Variants in GRIK2 observed in about 807,000 individuals in gnomAD.
GRIK2 encodes the protein glutamate ionotropic receptor kainate type subunit 2.
Under a neutral mutation model 100.3 loss-of-function variants are expected in GRIK2, and 32 were observed. That is an observed-to-expected ratio of 0.32 (90% CI 0.24 to 0.43). The LOEUF is 0.43. GRIK2 is among the 20% of genes least tolerant of loss of function. GRIK2 has a pLI of 1.00. For synonymous variants in GRIK2, 417 were observed against 389.4 expected (o/e 1.07, Z -0.83); for missense variants, 843 against 1,114.9 (o/e 0.76, Z 3.47).
chr6:101,995,669 T>C (rs1014961548), intron 14 of GRIK2, among the ~76,000 whole-genome samples: 10 of 151,944 alleles, frequency 6.6e-5, no homozygotes, highest in African/African-American at 2.4e-4. Flanking sequence ...TCCTAGAGTA[T>C]GTATATATAA....
At chr6:101,470,501 C>T (rs566525109) in intron 2 of GRIK2, among the ~76,000 whole-genome samples, 5 of 152,254 alleles carry the variant, frequency 3.3e-5, no homozygotes, top group Admixed American at 6.5e-5. Context: ...ATGCCTGTCT[C>T]CTCTTCTGAG....
intron 14 of GRIK2, among the ~76,000 whole-genome samples, chr6:102,021,994 T>A (rs1196499365): frequency 6.6e-6 from 1 of 150,534 alleles, no homozygotes; most frequent in Non-Finnish European, 1.5e-5. Flanking sequence ...TGCAAAAATT[T>A]TATTTTTAGA....
chr6:101,500,362 G>T (rs1208892585), intron 2 of GRIK2, among the ~76,000 whole-genome samples: 1 of 152,028 alleles, frequency 6.6e-6, no homozygotes, highest in Non-Finnish European at 1.5e-5. Context: ...ATGTGAATAA[G>T]ATATTTTTTT....
chr6:101,866,730 C>T (rs114220659), intron 11 of GRIK2, among the ~76,000 whole-genome samples: 3,829 of 152,064 alleles, frequency 0.025, 190 homozygotes, highest in African/African-American at 0.087. Flanking sequence ...TTTTCAGATA[C>T]TCATAACTAG....
intron 14 of GRIK2, among the ~76,000 whole-genome samples, chr6:101,997,363 T>G (rs1029223605): frequency 6.6e-6 from 1 of 152,116 alleles, no homozygotes; most frequent in East Asian, 1.9e-4. Flanking sequence ...GTGTATGTCC[T>G]TTATCATGGT....
chr6:101,851,781 A>G (rs1380335183), intron 10 of GRIK2, among the ~76,000 whole-genome samples: 1 of 151,884 alleles, frequency 6.6e-6, no homozygotes, highest in Non-Finnish European at 1.5e-5. Context: ...TTAACTAAAA[A>G]AAAAAAAAGT....
chr6:101,995,698 T>G (rs1794615444), intron 14 of GRIK2, among the ~76,000 whole-genome samples: 1 of 151,894 alleles, frequency 6.6e-6, no homozygotes, highest in African/African-American at 2.4e-5. Context: ...CGAGATGTGA[T>G]GGGGTGTGTA....
At chr6:101,825,305 C>G (rs1432526370) in intron 10 of GRIK2, among the ~76,000 whole-genome samples, 1 of 152,096 alleles carries the variant, frequency 6.6e-6, no homozygotes, top group Non-Finnish European at 1.5e-5. Flanking sequence ...CTACATTTCT[C>G]TCTTTCATTC....
intron 2 of GRIK2, among the ~76,000 whole-genome samples, chr6:101,598,592 T>TAAAAAAAAAAAAA (rs75603851): frequency 1.2e-5 from 1 of 82,388 alleles, no homozygotes; most frequent in Non-Finnish European, 2.4e-5. Context: ...TCTTCCTTAA[T>TAAAAAAAAAAAAA]AAAAAAAAAA....
chr6:101,550,143 C>T (rs1467699712), intron 2 of GRIK2, among the ~76,000 whole-genome samples: 1 of 152,186 alleles, frequency 6.6e-6, no homozygotes, highest in African/African-American at 2.4e-5. Context: ...CCATTTTTTA[C>T]TAGCAGGAGA....
intron 7 of GRIK2, among the ~76,000 whole-genome samples, chr6:101,791,776 CT>C (rs762686202): frequency 5.9e-5 from 9 of 151,846 alleles, no homozygotes; most frequent in Non-Finnish European, 1.0e-4. Flanking sequence ...AACTTTCTGT[CT>C]CGTTGATCTG....
At chr6:101,774,760 A>T (rs1280314833) in intron 7 of GRIK2, among the ~76,000 whole-genome samples, 1 of 152,166 alleles carries the variant, frequency 6.6e-6, no homozygotes, top group African/African-American at 2.4e-5. Context: ...TTATCTAAAC[A>T]TCTTGGACTT....
chr6:101,837,154 T>C (rs1426064153), intron 10 of GRIK2, among the ~76,000 whole-genome samples: 1 of 152,208 alleles, frequency 6.6e-6, no homozygotes, highest in East Asian at 1.9e-4. Context: ...CCAAGTACCA[T>C]GTAAACAATA....
At chr6:101,827,194 G>A (rs567377763) in intron 10 of GRIK2, among the ~76,000 whole-genome samples, 13 of 151,882 alleles carry the variant, frequency 8.6e-5, no homozygotes, top group East Asian at 1.9e-4. Context: ...CAGAAACTAC[G>A]TATATGATTA....
chr6:101,823,881 T>TTTTTTTTTG (rs1782133141), intron 10 of GRIK2, among the ~76,000 whole-genome samples: 1 of 150,944 alleles, frequency 6.6e-6, no homozygotes, highest in East Asian at 2.0e-4. Flanking sequence ...TTTTTGTTTT[T>TTTTTTTTTG]TTTTTTGATG....
At chr6:101,992,575 T>C (rs914326171) in intron 14 of GRIK2, among the ~76,000 whole-genome samples, 45 of 151,588 alleles carry the variant, frequency 3.0e-4, no homozygotes, top group African/African-American at 1.1e-3. Context: ...ATAGAGAGGA[T>C]TTTGGTAAAG....
chr6:101,702,855 G>A (rs1284918306), intron 7 of GRIK2, among the ~76,000 whole-genome samples: 1 of 151,736 alleles, frequency 6.6e-6, no homozygotes, highest in Non-Finnish European at 1.5e-5. Flanking sequence ...TTCTTGAGAT[G>A]GAAACAAGCA....
intron 2 of GRIK2, among the ~76,000 whole-genome samples, chr6:101,426,687 C>G (rs1261690055): frequency 2.0e-5 from 3 of 152,108 alleles, no homozygotes; most frequent in Non-Finnish European, 2.9e-5. Flanking sequence ...CATATTTGTG[C>G]CTGCCTCTCT....
intron 8 of GRIK2, among the ~76,000 whole-genome samples, chr6:101,800,667 C>T (rs1278178884): frequency 6.6e-6 from 1 of 151,920 alleles, no homozygotes; most frequent in Non-Finnish European, 1.5e-5. Context: ...TTGTCTAATT[C>T]TTATCAAACT....
Sources: gnomAD v4.1 joint callset for allele counts (sites outside exome capture counted in the v4.1 genomes callset) on GRCh38, gnomAD v4.1.1 for gene constraint, MANE v1.5 for transcripts, NCBI Gene and HGNC (gene_info 2026-07-23, HGNC 2026-07-21) for gene names.